TMEM38B: variants seen among roughly 807,000 people sequenced by gnomAD.
The protein encoded by TMEM38B is transmembrane protein 38B, also known as trimeric intracellular cation channel type B.
A neutral mutation model predicts 28.7 loss-of-function variants in TMEM38B; 24 were observed. The ratio of observed to expected loss-of-function variants is 0.84; its 90% confidence interval spans 0.61 to 1.18. The LOEUF (loss-of-function observed/expected upper bound fraction) is 1.18. Among genes scored for constraint, TMEM38B ranks in the 50% most tolerant of loss-of-function variants. The pLI, the probability that TMEM38B is intolerant of heterozygous loss-of-function variation, is 0.00. For missense variants in TMEM38B, 380 were observed against 350.9 expected, an observed-to-expected ratio of 1.08 and a Z score of -0.66; for synonymous variants, 131 against 127.7, an observed-to-expected ratio of 1.03 and a Z score of -0.17.
intron 5 of TMEM38B, among the ~76,000 whole-genome samples, chr9:105,753,818 C>G (rs1448731070): frequency 6.6e-6 from 1 of 152,150 alleles, no homozygotes. Context: ...AACAACAATA[C>G]TAACCTTAAA....
chr9:105,714,170 A>G (rs1389515437), intron 2 of TMEM38B, among the ~76,000 whole-genome samples: 4 of 151,994 alleles, frequency 2.6e-5, no homozygotes, highest in South Asian at 2.1e-4. Flanking sequence ...TGCAGAGACA[A>G]TGGGAGGACC....
intron 4 of TMEM38B, among the ~76,000 whole-genome samples, chr9:105,724,410 G>A (rs113047635): frequency 6.6e-5 from 10 of 152,194 alleles, no homozygotes; most frequent in South Asian, 2.1e-4. Flanking sequence ...CGAGGCAGGC[G>A]TCAGGAGTTC....
chr9:105,711,350 A>G (rs1423220515), intron 2 of TMEM38B, among the ~76,000 whole-genome samples: 2 of 151,942 alleles, frequency 1.3e-5, no homozygotes, highest in Non-Finnish European at 2.9e-5. Flanking sequence ...CTGAGGCAGG[A>G]GAACAGCTTG....
chr9:105,698,828 A>G (rs1184985402), intron 1 of TMEM38B, among the ~76,000 whole-genome samples: 33 of 152,062 alleles, frequency 2.2e-4, no homozygotes, highest in Admixed American at 2.2e-3. Flanking sequence ...GACTTCAACT[A>G]TGTAGTTTTA....
intron 5 of TMEM38B, chr9:105,758,324 G>A (rs1837907909): frequency 1.2e-6 from 1 of 802,348 alleles, no homozygotes; most frequent in East Asian, 2.5e-5. Context: ...GGCAGAGCTA[G>A]AATTCAGATC....
At chr9:105,764,888 A>C (rs1323279355) in intron 5 of TMEM38B, among the ~76,000 whole-genome samples, 2 of 152,070 alleles carry the variant, frequency 1.3e-5, no homozygotes, top group Admixed American at 1.3e-4. Context: ...ACAGAGATAT[A>C]GATCAATGGA....
intron 4 of TMEM38B, among the ~76,000 whole-genome samples, chr9:105,724,518 G>A (rs1261796578): frequency 6.6e-6 from 1 of 151,808 alleles, no homozygotes; most frequent in Non-Finnish European, 1.5e-5. Flanking sequence ...AGCTACTCAG[G>A]AGGCTGAGGC....
At chr9:105,767,772 C>G (rs572011420) in intron 5 of TMEM38B, among the ~76,000 whole-genome samples, 2 of 152,274 alleles carry the variant, frequency 1.3e-5, no homozygotes, top group South Asian at 4.1e-4. Context: ...TAAGAATAAT[C>G]TTACACATTG....
At chr9:105,758,940 T>C in intron 5 of TMEM38B, 1 of 1,357,138 alleles carries the variant, frequency 7.4e-7, no homozygotes, top group Non-Finnish European at 1.1e-6. Flanking sequence ...AGGTGTGCCA[T>C]CCCTAGAAGA....
chr9:105,712,097 T>G, intron 2 of TMEM38B, among the ~76,000 whole-genome samples: 1 of 152,158 alleles, frequency 6.6e-6, no homozygotes, highest in East Asian at 1.9e-4. Context: ...CTATTTTTAG[T>G]GCAGCCGGGG....
chr9:105,774,286 C>T lies in TMEM38B; in HGVS notation c.*206C>T. On this transcript the variant is annotated 3_prime_UTR_variant, in exon 6 of 6. Coordinates refer to ENST00000374692, the MANE Select transcript of TMEM38B (RefSeq NM_018112.3). Reference sequence around the variant, plus strand: ...GTTACGAGTGTATCATGTGATTATGCTTTACCGGTATAAGAGATTCTGTTG... The same window carrying T: ...GTTACGAGTGTATCATGTGATTATGTTTTACCGGTATAAGAGATTCTGTTG... 1 of 484,990 alleles carries T rather than the reference C, an allele frequency of 2.1e-6. No individual in the cohort carries two copies. Among genetic ancestry groups the T allele is most frequent in the Non-Finnish European group, 3.6e-6 (1 of 275,278 alleles). 30.0% of individuals were successfully genotyped at this position (484,990 alleles called of 1,614,324 possible).
chr9:105,761,208 A>C (rs1838035237), intron 5 of TMEM38B, among the ~76,000 whole-genome samples: 1 of 152,184 alleles, frequency 6.6e-6, no homozygotes, highest in Admixed American at 6.5e-5. Context: ...ACTCAGTGAG[A>C]TAATTCTCAG....
At chr9:105,746,405 C>T (rs1408939935) in intron 4 of TMEM38B, among the ~76,000 whole-genome samples, 12 of 151,974 alleles carry the variant, frequency 7.9e-5, no homozygotes, top group East Asian at 1.9e-4. Flanking sequence ...TAAGAATGCT[C>T]GTGATTTTTG....
chr9:105,756,893 T>C (rs1158688841), intron 5 of TMEM38B, among the ~76,000 whole-genome samples: 1 of 152,186 alleles, frequency 6.6e-6, no homozygotes, highest in African/African-American at 2.4e-5. Context: ...TTGATAATCA[T>C]AATGATTTTT....
At chr9:105,770,207 A>T (rs1244697131) in intron 5 of TMEM38B, among the ~76,000 whole-genome samples, 1 of 152,160 alleles carries the variant, frequency 6.6e-6, no homozygotes, top group Non-Finnish European at 1.5e-5. Flanking sequence ...ATTGAATAAG[A>T]CCCAAATCCT....
At chr9:105,743,505 T>C (rs1837278887) in intron 4 of TMEM38B, among the ~76,000 whole-genome samples, 1 of 152,230 alleles carries the variant, frequency 6.6e-6, no homozygotes, top group South Asian at 2.1e-4. Context: ...AATTTGTTAC[T>C]GAGATATACT....
At chr9:105,717,660 A>AT (rs34055374) in intron 2 of TMEM38B, among the ~76,000 whole-genome samples, 61,305 of 152,046 alleles carry the variant, frequency 0.4, 13,731 homozygotes, top group East Asian at 0.59. Context: ...CTAAAACTAC[A>AT]TAAAAAAGCT....
At chr9:105,713,989 G>C (rs1191830323) in intron 2 of TMEM38B, among the ~76,000 whole-genome samples, 1 of 152,156 alleles carries the variant, frequency 6.6e-6, no homozygotes, top group Non-Finnish European at 1.5e-5. Context: ...TGTCTGCTGA[G>C]AGCTGAGCAC....
Position 105,694,678 on chromosome 9 carries a change from C to A in TMEM38B, c.18C>A (p.Asp6Glu). MDSPW[D>E]ELALAFSRTS... is the part of the protein sequence containing the mutation. The stretch of plus-strand genomic sequence containing the variant: ...TGGTCGTTATGGATTCTCCATGGGA[C>A]GAGTTGGCTCTGGCCTTCTCCCGCA... The change falls in exon 1 of 6, where the codon GAC (aspartate) becomes GAA (glutamate). Residue 6 changes from aspartate (D) to glutamate (E), a missense_variant. Coordinates refer to ENST00000374692, the MANE Select transcript of TMEM38B (RefSeq NM_018112.3). The A allele has an allele frequency of 6.2e-7, 1 of 1,613,848 alleles. No homozygotes were observed. The highest frequency in any genetic ancestry group is 8.5e-7 in the Non-Finnish European group (1 of 1,179,782).
Sources: allele counts gnomAD v4.1 joint callset (sites outside exome capture counted in the v4.1 genomes callset), GRCh38; gene constraint gnomAD v4.1.1; transcripts MANE v1.5; gene names NCBI Gene and HGNC (gene_info 2026-07-23, HGNC 2026-07-21).